Variants in STX2 observed in about 807,000 individuals in gnomAD.
The protein encoded by STX2 is syntaxin-2.
STX2 carries 27 observed loss-of-function variants against 40.6 expected under a neutral mutation model. That is an observed-to-expected ratio of 0.66 (90% CI 0.49 to 0.92). The LOEUF (loss-of-function observed/expected upper bound fraction) is 0.92. Among genes scored for constraint, STX2 ranks in the 40% least tolerant of loss-of-function variants. The pLI is 0.00. For synonymous variants in STX2, 123 were observed against 119.1 expected, an observed-to-expected ratio of 1.03 and a Z score of -0.22; for missense variants, 328 against 366.1, an observed-to-expected ratio of 0.90 and a Z score of 0.85.
At chr12:130,810,728 A>C (rs1951616268) in intron 4 of STX2, 1 of 152,234 alleles carries the variant, frequency 6.6e-6, no homozygotes, top group Admixed American at 6.5e-5. Context: ...GATGGACGAC[A>C]AGCAGCAACA....
intron 8 of STX2, among the ~76,000 whole-genome samples, chr12:130,800,284 C>A (rs1593120272): frequency 1.3e-5 from 2 of 151,134 alleles, no homozygotes; most frequent in South Asian, 4.2e-4. Flanking sequence ...TACATACATA[C>A]ATATATATGT....
At chr12:130,824,520 G>C (rs2136328128) in intron 2 of STX2, among the ~76,000 whole-genome samples, 1 of 152,330 alleles carries the variant, frequency 6.6e-6, no homozygotes, top group East Asian at 1.9e-4. Context: ...TATGGCTCCA[G>C]AGGAACAGGA....
In STX2 at chr12:130,837,353, G is replaced by A. The variant is rs1333359527; in HGVS notation, c.30+1717C>T. ...CTGTTGCCCAGACTGGAGTACAGTG[G>A]CACAATCTCGGCTTTCTGCAACCTC... On this transcript the variant is annotated intron_variant, in intron 1 of 10. Transcript: ENST00000392373. Among the ~76,000 whole-genome samples the A allele has an allele frequency of 2.6e-5, 4 of 152,232 alleles. No homozygotes were observed. The East Asian group carries it at 7.7e-4, about 29-fold the overall frequency.
chr12:130,817,510 A>G (rs539784402), intron 3 of STX2, among the ~76,000 whole-genome samples: 1 of 152,334 alleles, frequency 6.6e-6, no homozygotes, highest in Non-Finnish European at 1.5e-5. Context: ...GCAAAGAGAG[A>G]TGACAGAAAA....
chr12:130,795,613 G>A (rs143646033), intron 10 of STX2, among the ~76,000 whole-genome samples: 85 of 152,256 alleles, frequency 5.6e-4, no homozygotes, highest in African/African-American at 2.0e-3. Context: ...GCTGGTGCAC[G>A]TCTGTAGTCC....
intron 6 of STX2, among the ~76,000 whole-genome samples, chr12:130,805,685 T>A (rs915899398): frequency 6.6e-6 from 1 of 152,192 alleles, no homozygotes; most frequent in South Asian, 2.1e-4. Context: ...CTCTGCTCCC[T>A]CTAAATGCAA....
chr12:130,832,234 G>A (rs1481531158), intron 1 of STX2, among the ~76,000 whole-genome samples: 2 of 151,612 alleles, frequency 1.3e-5, no homozygotes, highest in East Asian at 3.9e-4. Context: ...AGTGTTAGGT[G>A]AAACCACACC....
At chr12:130,830,600 T>C (rs928658289) in intron 1 of STX2, among the ~76,000 whole-genome samples, 2 of 152,270 alleles carry the variant, frequency 1.3e-5, no homozygotes, top group Non-Finnish European at 2.9e-5. Context: ...TTGACTTATA[T>C]GTCTTATTTC....
chr12:130,799,932 T>C (rs1379258107), intron 8 of STX2, among the ~76,000 whole-genome samples: 1 of 152,176 alleles, frequency 6.6e-6, no homozygotes, highest in African/African-American at 2.4e-5. Flanking sequence ...AACAATCCTG[T>C]GTGTGGATGG....
chr12:130,809,113 T>G (rs896279527), intron 4 of STX2, among the ~76,000 whole-genome samples: 1 of 152,230 alleles, frequency 6.6e-6, no homozygotes, highest in Non-Finnish European at 1.5e-5. Context: ...CTGATCCGCC[T>G]GCCTTGGCAT....
At chr12:130,836,629 C>A (rs10773826) in intron 1 of STX2, among the ~76,000 whole-genome samples, 5 of 152,052 alleles carry the variant, frequency 3.3e-5, no homozygotes, top group Non-Finnish European at 7.4e-5. Context: ...ACATTAATCA[C>A]ACTTATAATT....
intron 9 of STX2, among the ~76,000 whole-genome samples, chr12:130,797,245 C>T (rs138672939): frequency 0.017 from 2,602 of 152,270 alleles, 30 homozygotes; most frequent in Non-Finnish European, 0.025. Context: ...ACCAGACTGA[C>T]GTGTTCAGGT....
intron 3 of STX2, among the ~76,000 whole-genome samples, chr12:130,813,249 C>G (rs2136289195): frequency 6.6e-6 from 1 of 152,274 alleles, no homozygotes; most frequent in East Asian, 1.9e-4. Context: ...ACACAAATCC[C>G]TGGGGCCCAC....
intron 9 of STX2, 71 bp from the exon 10 acceptor site, chr12:130,796,191 T>A: frequency 2.5e-6 from 4 of 1,590,038 alleles, no homozygotes; most frequent in Non-Finnish European, 3.4e-6. Context: ...AAGACATCCT[T>A]CATTTAAAAT....
chr12:130,824,515 C>G (rs1304978490), intron 2 of STX2, among the ~76,000 whole-genome samples: 1 of 152,226 alleles, frequency 6.6e-6, no homozygotes, highest in East Asian at 1.9e-4. Flanking sequence ...CCCCGTATGG[C>G]TCCAGAGGAA....
intron 3 of STX2, among the ~76,000 whole-genome samples, chr12:130,816,536 C>T (rs940249092): frequency 2.0e-5 from 3 of 152,168 alleles, no homozygotes; most frequent in African/African-American, 4.8e-5. Flanking sequence ...AGAGACCAGA[C>T]GGGGATCAGG....
intron 9 of STX2, 96 bp from the exon 10 acceptor site, chr12:130,796,216 A>T: frequency 6.6e-7 from 1 of 1,507,222 alleles, no homozygotes; most frequent in South Asian, 1.2e-5. Context: ...CGACCTGGCC[A>T]GGTGTGGTGG....
intron 4 of STX2, among the ~76,000 whole-genome samples, chr12:130,809,744 G>A (rs1951577511): frequency 6.6e-6 from 1 of 152,204 alleles, no homozygotes; most frequent in Non-Finnish European, 1.5e-5. Context: ...TTGAACTCAG[G>A]AGGCGGAGGT....
chr12:130,812,325 T>TGCCTGGGATGGGCTTCAGAATA, intron 4 of STX2: 1 of 447,522 alleles, frequency 2.2e-6, no homozygotes, highest in Non-Finnish European at 4.5e-6. Flanking sequence ...AAATCTCAGA[T>TGCCTGGGATGGGCTTCAGAATA]GCCTGGGATG....
Sources: allele counts gnomAD v4.1 joint callset (sites outside exome capture counted in the v4.1 genomes callset), GRCh38; gene constraint gnomAD v4.1.1; transcripts MANE v1.5; gene names NCBI Gene and HGNC (gene_info 2026-07-23, HGNC 2026-07-21).